The following PRMT8 variants were observed in gnomAD, a reference collection of about 807,000 sequenced individuals.
PRMT8 encodes the protein protein arginine N-methyltransferase 8.
A neutral mutation model predicts 47.1 loss-of-function variants in PRMT8; 7 were observed. The observed-to-expected ratio is 0.15, with a 90% CI of 0.08 to 0.28. The LOEUF (loss-of-function observed/expected upper bound fraction) is 0.28, where lower values mean the gene tolerates loss of function less well. PRMT8 is among the 10% of genes least tolerant of loss of function. The pLI is 1.00. For missense variants in PRMT8, 237 were observed against 505.4 expected (o/e 0.47, Z 5.09); for synonymous variants, 188 against 186.5 (o/e 1.01, Z -0.07).
intron 6 of PRMT8, among the ~76,000 whole-genome samples, chr12:3,575,474 G>A (rs988205023): frequency 2.0e-5 from 3 of 152,244 alleles, no homozygotes; most frequent in Non-Finnish European, 4.4e-5. Context: ...GCACTGTAGG[G>A]AGAGAAATCT....
intron 1 of PRMT8, among the ~76,000 whole-genome samples, chr12:3,426,518 T>C (rs1864605814): frequency 6.6e-6 from 1 of 152,228 alleles, no homozygotes. Context: ...CCTAATTTAC[T>C]AATGCCCAGT....
intron 1 of PRMT8, among the ~76,000 whole-genome samples, chr12:3,397,136 A>C (rs1864258003): frequency 6.6e-6 from 1 of 151,716 alleles, no homozygotes; most frequent in Non-Finnish European, 1.5e-5. Context: ...CAAAGTTTTC[A>C]ACTTCTTTGC....
Position 3,581,533 on chromosome 12 carries a change from G to T in PRMT8, c.829-1525G>T, listed in dbSNP as rs56166717. Among the ~76,000 whole-genome samples, 967 of 152,208 alleles carry T rather than the reference G, an allele frequency of 6.4e-3. 11 individuals are homozygous for T. The highest frequency in any genetic ancestry group is 0.023 in the African/African-American group (935 of 41,530). Reference sequence around the variant, plus strand: ...CCACTAAAGAGGAGGTTCTTGCCTTGGATAAAAGGCTCAGCTTAAGAAGAT... The same window carrying T: ...CCACTAAAGAGGAGGTTCTTGCCTTTGATAAAAGGCTCAGCTTAAGAAGAT... On this transcript the variant is annotated intron_variant, in intron 7 of 9. Coordinates refer to ENST00000382622, the MANE Select transcript of PRMT8 (RefSeq NM_019854.5).
rs543612059 is a variant in PRMT8, at chr12:3,428,450, A to C, written c.48+47008A>C. On this transcript the variant is annotated intron_variant, in intron 1 of 9. Coordinates refer to the PRMT8 transcript ENST00000452611. The stretch of plus-strand genomic sequence containing the variant: ...TCTACAGACTGAATGTACTGGGGCC[A>C]GCTGCGGGTCACTGGGTTAAGGATT... Among the ~76,000 whole-genome samples the C allele has an allele frequency of 5.3e-5, 8 of 152,216 alleles. No individual in the cohort carries two copies. In the South Asian group the frequency reaches 1.0e-3, roughly 20 times the overall value.
intron 1 of PRMT8, among the ~76,000 whole-genome samples, chr12:3,406,641 C>T (rs2137053810): frequency 6.6e-6 from 1 of 152,298 alleles, no homozygotes; most frequent in South Asian, 2.1e-4. Flanking sequence ...GTCACCTTTG[C>T]TCCAGTTCCC....
intron 1 of PRMT8, among the ~76,000 whole-genome samples, chr12:3,512,029 G>T (rs1353387735): frequency 6.6e-6 from 1 of 152,158 alleles, no homozygotes; most frequent in African/African-American, 2.4e-5. Flanking sequence ...GGGGCAGTGG[G>T]AAGTGATTCC....
At chr12:3,490,187 C>T (rs1865365547), upstream of PRMT8, among the ~76,000 whole-genome samples, 1 of 152,136 alleles carries the variant, frequency 6.6e-6, no homozygotes, top group South Asian at 2.1e-4. Context: ...CAGTCCTTGA[C>T]TCGTAGGTTG....
chr12:3,487,236 G>C (rs138346408), upstream of PRMT8, among the ~76,000 whole-genome samples: 1,360 of 152,310 alleles, frequency 8.9e-3, 10 homozygotes, highest in Admixed American at 0.013. Context: ...GTGAACCCTG[G>C]CCATGTGTGA....
chr12:3,528,207 A>G (rs1591585943), intron 1 of PRMT8, among the ~76,000 whole-genome samples: 1 of 152,090 alleles, frequency 6.6e-6, no homozygotes, highest in African/African-American at 2.4e-5. Context: ...ATTTTCATCA[A>G]TTTGGAAGAT....
At chr12:3,387,534 A>C (rs769173246) in intron 1 of PRMT8, among the ~76,000 whole-genome samples, 3 of 152,162 alleles carry the variant, frequency 2.0e-5, no homozygotes, top group Admixed American at 1.3e-4. Context: ...CAAGGCAGAC[A>C]CTGAGAGGTG....
At chr12:3,401,139 C>A (rs1864311460) in intron 1 of PRMT8, among the ~76,000 whole-genome samples, 2 of 117,334 alleles carry the variant, frequency 1.7e-5, no homozygotes, top group East Asian at 2.5e-4. Context: ...AAGAGCGAAA[C>A]TCCATCTCAA....
chr12:3,470,890 T>C (rs1369380164), intron 1 of PRMT8, among the ~76,000 whole-genome samples: 1 of 152,114 alleles, frequency 6.6e-6, no homozygotes, highest in African/African-American at 2.4e-5. Flanking sequence ...ATTTTGGAGT[T>C]TTTAAAGATG....
In PRMT8 at chr12:3,569,339, C is replaced by T; in HGVS notation, c.625-138C>T. ...AGCACTGCTGTCCTAGCCCTCACCC[C>T]AGACAAGGTGACAGTCCACTGCATG... On this transcript the variant is annotated intron_variant, in intron 5 of 9. Coordinates refer to ENST00000382622, the MANE Select transcript of PRMT8 (RefSeq NM_019854.5). This position sits in a 1 kb window ranked among gnomAD's most constrained non-coding sequence, Gnocchi z 8.2. 1.3e-6 allele frequency: 1 copy of T among 770,046 alleles called. No homozygotes were observed. The highest frequency in any genetic ancestry group is 2.3e-6 in the Non-Finnish European group (1 of 433,000). The allele number at this position is 770,046 out of a possible 1,614,324, so 47.7% of individuals were successfully genotyped here.
chr12:3,467,813 G>A (rs987214407), intron 1 of PRMT8, among the ~76,000 whole-genome samples: 2 of 152,208 alleles, frequency 1.3e-5, no homozygotes, highest in Non-Finnish European at 2.9e-5. Flanking sequence ...AGAACAGAAC[G>A]CACCTGAAGC....
chr12:3,401,857 C>T (rs888330526), intron 1 of PRMT8, among the ~76,000 whole-genome samples: 2 of 152,212 alleles, frequency 1.3e-5, no homozygotes, highest in Non-Finnish European at 2.9e-5. Context: ...AAAAACATTC[C>T]ATGCTCATGG....
intron 3 of PRMT8, chr12:3,551,701 C>T (rs1230818964): frequency 2.6e-5 from 4 of 152,316 alleles, no homozygotes; most frequent in Admixed American, 2.0e-4. Context: ...TTTAGCTGGG[C>T]TCCTTTCCGG....
At position 3,561,207 on chromosome 12, in the gene PRMT8, C is replaced by T. The variant is rs79410871; in HGVS notation, c.481+7493C>T. Among the ~76,000 whole-genome samples, 3 of 152,252 alleles carry T rather than the reference C, an allele frequency of 2.0e-5. No homozygotes were observed. In the East Asian group the frequency reaches 5.8e-4, roughly 29 times the overall value. On this transcript the variant is annotated intron_variant, in intron 4 of 9. Transcript: ENST00000382622. ...AGCAGCTCTTTCACCAACAGAGGGT[C>T]GTGCTAAGAATTAAACACAGCCAGT... is the stretch of plus-strand genomic sequence containing the variant.
chr12:3,396,442 T>G (rs1461618961), intron 1 of PRMT8, among the ~76,000 whole-genome samples: 1 of 152,182 alleles, frequency 6.6e-6, no homozygotes, highest in East Asian at 1.9e-4. Flanking sequence ...TGCTTGTCTG[T>G]AAAGTATTTT....
intron 1 of PRMT8, among the ~76,000 whole-genome samples, chr12:3,382,499 CCTT>C (rs1470671593): frequency 1.3e-5 from 2 of 152,224 alleles, no homozygotes; most frequent in Admixed American, 6.5e-5. Context: ...TGTCTTTTCA[CCTT>C]CTTATTTGCC....
Sources: allele counts gnomAD v4.1 joint callset (sites outside exome capture counted in the v4.1 genomes callset), GRCh38; gene constraint gnomAD v4.1.1; non-coding constraint Gnocchi (gnomAD v3.1); transcripts MANE v1.5; gene names NCBI Gene and HGNC (gene_info 2026-07-23, HGNC 2026-07-21).